ZNRF3: variants seen among roughly 807,000 people sequenced by gnomAD.
The protein encoded by ZNRF3 is E3 ubiquitin-protein ligase ZNRF3.
A neutral mutation model predicts 72.5 loss-of-function variants in ZNRF3; 23 were observed. The ratio of observed to expected loss-of-function variants is 0.32; its 90% CI spans 0.23 to 0.45. The LOEUF (loss-of-function observed/expected upper bound fraction) is 0.45. ZNRF3 is among the 20% of genes least tolerant of loss of function. ZNRF3 has a pLI of 1.00. For missense variants in ZNRF3, 1,169 were observed against 1,272.1 expected (o/e 0.92, Z 1.23); for synonymous variants, 610 against 545.3 (o/e 1.12, Z -1.65).
chr22:28,997,029 C>A (rs2036055783), intron 2 of ZNRF3, among the ~76,000 whole-genome samples: 1 of 152,150 alleles, frequency 6.6e-6, no homozygotes, highest in Non-Finnish European at 1.5e-5. Context: ...GCTTAGCACT[C>A]CTGAGTGGTG....
At chr22:29,031,973 T>C (rs1012982128) in intron 2 of ZNRF3, among the ~76,000 whole-genome samples, 9 of 152,132 alleles carry the variant, frequency 5.9e-5, no homozygotes, top group Admixed American at 2.6e-4. Context: ...TAGGGCACCA[T>C]TGAGTTGGGG....
chr22:29,049,998 G>A lies in ZNRF3; in HGVS notation c.1817G>A (p.Arg606His), dbSNP rs374944155. ...ATCTACCGCAGCCGGAGCCCCTGTC[G>A]TGCCAGTGAGGCGGGGGGCTCGGGC... ...PFIYRSRSPC[R>H]ASEAGGSGSS... The change falls in exon 8 of 9, where the codon CGT becomes CAT. Residue 606 changes from arginine to histidine, a missense_variant. By Grantham distance (29) the Arg-to-His change is conservative (BLOSUM62 0). Coordinates refer to ENST00000544604, the MANE Select transcript of ZNRF3 (RefSeq NM_001206998.2). The surrounding 1 kb of genome is among the most constrained non-coding windows in gnomAD (Gnocchi z 5.2). 47 of 1,611,778 alleles carry A rather than the reference G, an allele frequency of 2.9e-5. No individual in the cohort carries two copies. The highest frequency in any genetic ancestry group is 2.2e-5 in the East Asian group (1 of 44,862).
At chr22:28,937,024 G>A (rs572732826) in intron 1 of ZNRF3, among the ~76,000 whole-genome samples, 1 of 151,856 alleles carries the variant, frequency 6.6e-6, no homozygotes, top group East Asian at 1.9e-4. Context: ...TACAGGTTTA[G>A]GATTCTTTTT....
At chr22:29,026,487 A>G (rs575318392) in intron 2 of ZNRF3, 8 of 152,222 alleles carry the variant, frequency 5.3e-5, no homozygotes, top group Non-Finnish European at 7.4e-5. Flanking sequence ...TAGGTCTTAA[A>G]CCTGAAAATG....
At chr22:28,962,207 A>G (rs1274167080) in intron 1 of ZNRF3, among the ~76,000 whole-genome samples, 1 of 152,236 alleles carries the variant, frequency 6.6e-6, no homozygotes, top group Admixed American at 6.5e-5. Flanking sequence ...TAGCTCCTAC[A>G]TTGCTGGTAT....
At chr22:28,905,137 T>C (rs915634412) in intron 1 of ZNRF3, among the ~76,000 whole-genome samples, 5 of 152,002 alleles carry the variant, frequency 3.3e-5, no homozygotes, top group Non-Finnish European at 7.4e-5. Flanking sequence ...AGGTCTTGCT[T>C]TGTTGCCCAG....
intron 2 of ZNRF3, among the ~76,000 whole-genome samples, chr22:29,022,384 A>G (rs536274604): frequency 6.6e-6 from 1 of 152,292 alleles, no homozygotes; most frequent in East Asian, 1.9e-4. Context: ...GATCCCAGAC[A>G]CACTTTCTCT....
At chr22:28,905,470 C>G (rs2034188317) in intron 1 of ZNRF3, among the ~76,000 whole-genome samples, 1 of 152,112 alleles carries the variant, frequency 6.6e-6, no homozygotes, top group Non-Finnish European at 1.5e-5. Flanking sequence ...AGATTTTGGT[C>G]TCAGGGATGG....
chr22:28,913,846 G>T (rs1374813749), intron 1 of ZNRF3, among the ~76,000 whole-genome samples: 1 of 152,092 alleles, frequency 6.6e-6, no homozygotes, highest in Non-Finnish European at 1.5e-5. Context: ...GGAAGCAGGG[G>T]CAGCCTTTAT....
At chr22:28,965,381 A>C (rs1024204053) in intron 1 of ZNRF3, among the ~76,000 whole-genome samples, 4 of 152,140 alleles carry the variant, frequency 2.6e-5, no homozygotes, top group African/African-American at 9.7e-5. Flanking sequence ...GACCCTTACA[A>C]CTACCTTTGA....
chr22:28,979,417 T>C (rs755440518), intron 1 of ZNRF3, among the ~76,000 whole-genome samples: 11 of 152,120 alleles, frequency 7.2e-5, no homozygotes, highest in Non-Finnish European at 7.3e-5. Context: ...AGGGCACCAG[T>C]GTTGTGGTCT....
intron 2 of ZNRF3, among the ~76,000 whole-genome samples, chr22:29,011,781 C>T (rs1015177805): frequency 2.0e-5 from 3 of 152,236 alleles, no homozygotes; most frequent in Admixed American, 1.3e-4. Flanking sequence ...TAAATCCTCC[C>T]GCTGGGGAAT....
At position 28,951,990 on chromosome 22, in the gene ZNRF3, C is replaced by T. The variant is rs754061914; in HGVS notation, c.301-35086C>T. Among the ~76,000 whole-genome samples the T allele has an allele frequency of 5.9e-5, 9 of 152,182 alleles. 1 individual carries two copies. Among genetic ancestry groups the T allele is most frequent in the East Asian group, 1.9e-4 (1 of 5,186 alleles). On this transcript the variant is annotated intron_variant, in intron 1 of 8. Transcript: ENST00000544604. ...CTGGCCTCCACTTGCTCCTCTTCCC[C>T]GTGGAGCAAGGAGCACTGAGCCAGC...
At chr22:28,917,044 A>G (rs1438313268) in intron 1 of ZNRF3, among the ~76,000 whole-genome samples, 1 of 152,066 alleles carries the variant, frequency 6.6e-6, no homozygotes. Flanking sequence ...CATACTTTTC[A>G]GTGTCAGTAA....
chr22:29,047,119 C>T (rs1251885031), intron 6 of ZNRF3, among the ~76,000 whole-genome samples: 1 of 152,036 alleles, frequency 6.6e-6, no homozygotes, highest in Non-Finnish European at 1.5e-5. Flanking sequence ...AAATTTTAGG[C>T]CTAGTACCAT....
intron 1 of ZNRF3, among the ~76,000 whole-genome samples, chr22:28,980,962 T>C (rs190633340): frequency 3.2e-4 from 48 of 152,356 alleles, no homozygotes; most frequent in African/African-American, 1.1e-3. Context: ...AGCATCTGAC[T>C]AGGAAAGCCC....
chr22:29,028,079 C>CGT (rs2036676297), intron 2 of ZNRF3, among the ~76,000 whole-genome samples: 1 of 152,108 alleles, frequency 6.6e-6, no homozygotes, highest in African/African-American at 2.4e-5. Context: ...TACAAAATCA[C>CGT]GTAAAAGGAG....
At chr22:28,942,450 C>A (rs2034965336) in intron 1 of ZNRF3, among the ~76,000 whole-genome samples, 1 of 152,186 alleles carries the variant, frequency 6.6e-6, no homozygotes, top group South Asian at 2.1e-4. Context: ...TCCTTCTTGT[C>A]CCTAGACCTT....
intron 1 of ZNRF3, among the ~76,000 whole-genome samples, chr22:28,955,525 G>A (rs1310850784): frequency 6.6e-6 from 1 of 152,154 alleles, no homozygotes; most frequent in African/African-American, 2.4e-5. Context: ...AAACATGAAT[G>A]TGGTGTATAG....
Sources: allele counts gnomAD v4.1 joint callset (sites outside exome capture counted in the v4.1 genomes callset), GRCh38; gene constraint gnomAD v4.1.1; non-coding constraint Gnocchi (gnomAD v3.1); transcripts MANE v1.5; gene names NCBI Gene and HGNC (gene_info 2026-07-23, HGNC 2026-07-21).